Variants in ITGB5 observed in about 807,000 individuals in gnomAD.
The protein encoded by ITGB5 is integrin beta-5.
Under a neutral mutation model 84.8 loss-of-function variants are expected in ITGB5, and 38 were observed. The ratio of observed to expected loss-of-function variants is 0.45; its 90% CI spans 0.35 to 0.59. The LOEUF (loss-of-function observed/expected upper bound fraction) is 0.59. Ranked by LOEUF, ITGB5 falls within the 20% of genes least tolerant of loss-of-function variation. The probability of loss-of-function intolerance (pLI) is 0.01; values close to 1 mark genes in which losing one functional copy is unlikely to be tolerated. For missense variants in ITGB5, 905 were observed against 1,034.5 expected, an observed-to-expected ratio of 0.87 and a Z score of 1.72; for synonymous variants, 393 against 414.4, an observed-to-expected ratio of 0.95 and a Z score of 0.63.
intron 1 of ITGB5, among the ~76,000 whole-genome samples, chr3:124,874,262 C>T (rs112040692): frequency 0.023 from 3,333 of 142,614 alleles, 119 homozygotes; most frequent in African/African-American, 0.083. Context: ...CGTACCACTG[C>T]ACTCCAGCCT....
At chr3:124,793,507 G>C (rs1377304815) in intron 10 of ITGB5, among the ~76,000 whole-genome samples, 1 of 152,230 alleles carries the variant, frequency 6.6e-6, no homozygotes, top group African/African-American at 2.4e-5. Context: ...CTGCACATGG[G>C]GAACCAGGTG....
chr3:124,794,321 A>G (rs2064190062), intron 10 of ITGB5, among the ~76,000 whole-genome samples: 1 of 152,222 alleles, frequency 6.6e-6, no homozygotes, highest in Non-Finnish European at 1.5e-5. Context: ...AATCAGTGTA[A>G]ACTCCTGTGT....
At chr3:124,812,263 G>A (rs1412222112) in intron 8 of ITGB5, among the ~76,000 whole-genome samples, 4 of 152,116 alleles carry the variant, frequency 2.6e-5, no homozygotes, top group Non-Finnish European at 4.4e-5. Context: ...TACCAGATTC[G>A]CCCCTCAAGG....
intron 3 of ITGB5, among the ~76,000 whole-genome samples, chr3:124,849,535 A>G (rs1307905853): frequency 6.6e-6 from 1 of 152,222 alleles, no homozygotes; most frequent in African/African-American, 2.4e-5. Context: ...ACAACTCATT[A>G]TCATTGGAAA....
chr3:124,835,166 C>A (rs184196782), intron 5 of ITGB5, among the ~76,000 whole-genome samples: 1 of 152,038 alleles, frequency 6.6e-6, no homozygotes, highest in Admixed American at 6.6e-5. Flanking sequence ...AACTCTCCCA[C>A]GTGCCCTGTT....
intron 4 of ITGB5, among the ~76,000 whole-genome samples, chr3:124,843,051 TC>T (rs1383266329): frequency 6.6e-6 from 1 of 152,198 alleles, no homozygotes; most frequent in Non-Finnish European, 1.5e-5. Context: ...CCTTTGTGTT[TC>T]TCCCTTCTCC....
At chr3:124,830,587 C>G (rs2064846332) in intron 5 of ITGB5, among the ~76,000 whole-genome samples, 1 of 152,216 alleles carries the variant, frequency 6.6e-6, no homozygotes, top group African/African-American at 2.4e-5. Flanking sequence ...TCTTGTACAG[C>G]CTCCCATCCA....
At chr3:124,822,999 AC>A (rs1272664670) in intron 5 of ITGB5, among the ~76,000 whole-genome samples, 2 of 152,180 alleles carry the variant, frequency 1.3e-5, no homozygotes, top group African/African-American at 4.8e-5. Flanking sequence ...GATGGCTCAC[AC>A]CTAGAATCCC....
At chr3:124,775,269 AGT>A (rs1326697735) in intron 10 of ITGB5, among the ~76,000 whole-genome samples, 3 of 151,284 alleles carry the variant, frequency 2.0e-5, no homozygotes, top group Non-Finnish European at 4.4e-5. Flanking sequence ...GAAGTATTTA[AGT>A]GTATGTTTGT....
intron 8 of ITGB5, among the ~76,000 whole-genome samples, chr3:124,813,542 T>A (rs2064538416): frequency 6.6e-6 from 1 of 152,174 alleles, no homozygotes. Context: ...ACCCCTCTCC[T>A]TCTTTCATCA....
At chr3:124,765,926 G>A (rs867418371) in intron 13 of ITGB5, among the ~76,000 whole-genome samples, 11 of 152,050 alleles carry the variant, frequency 7.2e-5, no homozygotes, top group Admixed American at 3.9e-4. Flanking sequence ...CGGTGTGGTG[G>A]TGCATGCCTG....
At chr3:124,832,170 G>T (rs1443069832) in intron 5 of ITGB5, among the ~76,000 whole-genome samples, 1 of 137,422 alleles carries the variant, frequency 7.3e-6, no homozygotes, top group Non-Finnish European at 1.6e-5. Context: ...TTCTACAGTT[G>T]GCAAACTGGG....
rs78490977 is a variant in ITGB5, at chr3:124,821,963, C to T, written c.781-489G>A. On this transcript the variant is annotated intron_variant, in intron 5 of 14. Transcript: ENST00000296181. ...GACCTGAGTCAATCAGAACAGAGCA[C>T]TCAAATGACCAATAGATGGGTCTGT... Among the ~76,000 whole-genome samples, 432 of 152,346 alleles carry T rather than the reference C, an allele frequency of 2.8e-3. 11 individuals are homozygous for T. The East Asian group carries it at 0.071, about 25-fold the overall frequency.
At chr3:124,860,665 C>G (rs2065284569) in intron 2 of ITGB5, among the ~76,000 whole-genome samples, 1 of 152,236 alleles carries the variant, frequency 6.6e-6, no homozygotes, top group Admixed American at 6.5e-5. Flanking sequence ...ATTCCCCCCA[C>G]TCTGGCAGGC....
chr3:124,884,397 T>A (rs1432110489), intron 1 of ITGB5, among the ~76,000 whole-genome samples: 1 of 151,912 alleles, frequency 6.6e-6, no homozygotes, highest in East Asian at 1.9e-4. Context: ...CACCAAAACC[T>A]GTAGTCAAAG....
intron 5 of ITGB5, among the ~76,000 whole-genome samples, chr3:124,828,374 C>T (rs533425593): frequency 1.3e-4 from 19 of 151,996 alleles, no homozygotes; most frequent in Non-Finnish European, 2.4e-4. Flanking sequence ...ACACTAACGG[C>T]GTGAATGAAT....
At chr3:124,793,293 A>C (rs966158391) in intron 10 of ITGB5, among the ~76,000 whole-genome samples, 4 of 152,086 alleles carry the variant, frequency 2.6e-5, no homozygotes, top group African/African-American at 9.7e-5. Flanking sequence ...GACATACCAG[A>C]GGGTTATTTC....
At chr3:124,892,232 G>A (rs1330453505), upstream of ITGB5, among the ~76,000 whole-genome samples, 1 of 151,942 alleles carries the variant, frequency 6.6e-6, no homozygotes, top group Non-Finnish European at 1.5e-5. Context: ...GACCTCAAGT[G>A]ATCTGCCTGC....
intron 5 of ITGB5, 117 bp from the exon 6 acceptor site, chr3:124,821,591 C>T (rs1003315285): frequency 3.6e-6 from 4 of 1,116,180 alleles, no homozygotes; most frequent in Non-Finnish European, 5.3e-6. Flanking sequence ...TTCCCCTTGC[C>T]ATGTGTACCT....
Sources: gnomAD v4.1 joint callset for allele counts (sites outside exome capture counted in the v4.1 genomes callset) on GRCh38, gnomAD v4.1.1 for gene constraint, MANE v1.5 for transcripts, NCBI Gene and HGNC (gene_info 2026-07-23, HGNC 2026-07-21) for gene names.